Variants in CACNA1C observed in about 807,000 individuals in gnomAD.
CACNA1C encodes voltage-dependent L-type calcium channel subunit alpha-1C.
A neutral mutation model predicts 229.0 loss-of-function variants in CACNA1C; 30 were observed. The ratio of observed to expected loss-of-function variants is 0.13; its 90% CI spans 0.10 to 0.18. CACNA1C has a LOEUF of 0.18. CACNA1C is among the 10% of genes least tolerant of loss of function. The pLI is 1.00. For missense variants in CACNA1C, 1,658 were observed against 2,845.0 expected, an observed-to-expected ratio of 0.58 and a Z score of 9.49; for synonymous variants, 1,114 against 1,132.5, an observed-to-expected ratio of 0.98 and a Z score of 0.33.
At chr12:1,992,417 G>T (rs1343594703) in intron 1 of CACNA1C, 5 of 153,148 alleles carry the variant, frequency 3.3e-5, no homozygotes, top group African/African-American at 1.2e-4. Flanking sequence ...CATGTATCTT[G>T]AGTTCAAAGA....
chr12:2,558,948 A>C (rs1379091395), intron 11 of CACNA1C, among the ~76,000 whole-genome samples: 2 of 152,232 alleles, frequency 1.3e-5, no homozygotes, highest in Non-Finnish European at 2.9e-5. Context: ...ATATTAAAAA[A>C]AAAAAATTTC....
intron 3 of CACNA1C, among the ~76,000 whole-genome samples, chr12:2,195,248 G>A (rs771717066): frequency 2.0e-5 from 3 of 152,200 alleles, no homozygotes; most frequent in Non-Finnish European, 4.4e-5. Context: ...GTTAAGGCAT[G>A]TCCTGATCAC....
chr12:2,413,546 G>A (rs778326702), intron 3 of CACNA1C, among the ~76,000 whole-genome samples: 34 of 152,296 alleles, frequency 2.2e-4, no homozygotes, highest in African/African-American at 9.6e-5. Context: ...AAAATGCAGC[G>A]ACATGCTGTT....
chr12:2,154,215 A>G (rs1319954564), intron 3 of CACNA1C, among the ~76,000 whole-genome samples: 6 of 152,226 alleles, frequency 3.9e-5, no homozygotes. Context: ...GGCCCTACTT[A>G]AAAACAAACA....
At chr12:2,317,462 G>T (rs1023883881) in intron 3 of CACNA1C, among the ~76,000 whole-genome samples, 1 of 152,172 alleles carries the variant, frequency 6.6e-6, no homozygotes, top group African/African-American at 2.4e-5. Context: ...TATAGAGATG[G>T]GAAGCAGGAT....
intron 18 of CACNA1C, among the ~76,000 whole-genome samples, chr12:2,586,767 C>T (rs2062618736): frequency 6.6e-6 from 1 of 152,216 alleles, no homozygotes; most frequent in East Asian, 1.9e-4. Flanking sequence ...GCTTAGAACA[C>T]TCACAGGCAT....
At chr12:2,148,818 TC>T (rs1250831477) in intron 3 of CACNA1C, among the ~76,000 whole-genome samples, 1 of 140,932 alleles carries the variant, frequency 7.1e-6, no homozygotes, top group Non-Finnish European at 1.6e-5. Context: ...GTACCCTCCC[TC>T]CCTGCGGTCT....
intron 21 of CACNA1C, among the ~76,000 whole-genome samples, chr12:2,600,493 G>A (rs2071416679): frequency 6.6e-6 from 1 of 152,238 alleles, no homozygotes; most frequent in South Asian, 2.1e-4. Flanking sequence ...TGACCGGGGA[G>A]CCTTGCTCCA....
intron 3 of CACNA1C, among the ~76,000 whole-genome samples, chr12:2,398,072 A>G (rs1277586098): frequency 2.6e-5 from 4 of 152,252 alleles, no homozygotes; most frequent in Admixed American, 6.5e-5. Context: ...TGGAGGCGCA[A>G]TTAGAAGGAA....
chr12:2,680,246 C>T (rs550445079), intron 42 of CACNA1C: 37 of 733,628 alleles, frequency 5.0e-5, no homozygotes, highest in African/African-American at 1.4e-4. Flanking sequence ...CTGTGGGAGG[C>T]GCCATCTGTA....
Position 2,685,809 on chromosome 12 carries a change from C to A in CACNA1C, c.5647C>A (p.Pro1883Thr). Residue 1883 changes from proline to threonine, a missense_variant, in exon 44 of 47, where the codon CCG becomes ACG. Transcript: ENST00000399655. ...EEDKRDIRQS[P>T]KRGFLRSASL... ...GGACAAGAGGGACATCCGGCAATCT[C>A]CGAAGAGGGGTTTCCTCCGCTCTGC... is the stretch of plus-strand genomic sequence containing the variant. 6.2e-7 allele frequency: 1 copy of A among 1,613,672 alleles called. No homozygotes were observed. The highest frequency in any genetic ancestry group is 2.2e-5 in the East Asian group (1 of 44,880).
At chr12:2,610,995 G>T (rs1418411911) in intron 28 of CACNA1C, among the ~76,000 whole-genome samples, 1 of 151,724 alleles carries the variant, frequency 6.6e-6, no homozygotes, top group South Asian at 2.1e-4. Flanking sequence ...GATGGAGAAC[G>T]GAGGGATGAG....
chr12:2,022,896 A>G (rs879296586), intron 1 of CACNA1C, among the ~76,000 whole-genome samples: 2 of 152,196 alleles, frequency 1.3e-5, no homozygotes, highest in African/African-American at 4.8e-5. Context: ...TAAATAAATC[A>G]TTCATTCCAC....
chr12:2,275,808 T>C lies in CACNA1C; in HGVS notation c.477+155378T>C, dbSNP rs1349785842. On this transcript the variant is annotated intron_variant, in intron 3 of 46. Coordinates refer to ENST00000399655, the MANE Select transcript of CACNA1C (RefSeq NM_000719.7). This position sits in a 1 kb window ranked among gnomAD's most constrained non-coding sequence, Gnocchi z 4.1. ...GGCTCAGTGCTTCCACGGGTGGATGTTCAGCAGCAGGCCCCCTCTGTTCTT... is the reference window on the plus strand; with the variant it reads ...GGCTCAGTGCTTCCACGGGTGGATGCTCAGCAGCAGGCCCCCTCTGTTCTT... 6.6e-6 allele frequency among the ~76,000 whole-genome samples: 1 copy of C among 150,724 alleles called. No homozygotes were observed. The highest frequency in any genetic ancestry group is 2.5e-5 in the African/African-American group (1 of 40,094).
chr12:2,026,410 T>C (rs2047333543), intron 1 of CACNA1C, among the ~76,000 whole-genome samples: 1 of 152,152 alleles, frequency 6.6e-6, no homozygotes, highest in Non-Finnish European at 1.5e-5. Context: ...TGATTGGGGT[T>C]GAGGAGTGAG....
chr12:2,523,454 T>C (rs148605813), intron 9 of CACNA1C, among the ~76,000 whole-genome samples: 2 of 152,262 alleles, frequency 1.3e-5, no homozygotes, highest in African/African-American at 4.8e-5. Context: ...AGCTTACCAC[T>C]TTCCTGCCTT....
chr12:2,277,809 C>T (rs1217286512), intron 3 of CACNA1C, among the ~76,000 whole-genome samples: 1 of 152,240 alleles, frequency 6.6e-6, no homozygotes, highest in Non-Finnish European at 1.5e-5. Flanking sequence ...CTTGTTTTCT[C>T]TGATGCTGCT....
intron 29 of CACNA1C, chr12:2,613,186 T>C (rs2078708852): frequency 6.6e-6 from 1 of 152,220 alleles, no homozygotes; most frequent in Non-Finnish European, 1.5e-5. Flanking sequence ...TCACTCACAC[T>C]TTGGATTCCA....
At chr12:2,604,532 G>A (rs1306213380) in intron 22 of CACNA1C, among the ~76,000 whole-genome samples, 1 of 152,184 alleles carries the variant, frequency 6.6e-6, no homozygotes, top group Non-Finnish European at 1.5e-5. Context: ...ATTCCTTTAA[G>A]TGTAGTAACG....
Sources: gnomAD v4.1 joint callset for allele counts (sites outside exome capture counted in the v4.1 genomes callset) on GRCh38, gnomAD v4.1.1 for gene constraint, Gnocchi (gnomAD v3.1) non-coding constraint, MANE v1.5 for transcripts, NCBI Gene and HGNC (gene_info 2026-07-23, HGNC 2026-07-21) for gene names.